Variants in SLC25A20 observed in about 807,000 individuals in gnomAD.
The protein encoded by SLC25A20 is solute carrier family 25 member 20, also known as mitochondrial carnitine/acylcarnitine carrier protein.
In SLC25A20, 29 loss-of-function variants were observed where a neutral mutation model predicts 39.7. That is an observed-to-expected ratio of 0.73 (90% CI 0.54 to 1.00). The LOEUF (loss-of-function observed/expected upper bound fraction) is 1.00. SLC25A20 is among the 50% of genes least tolerant of loss of function. The pLI is 0.00. For synonymous variants in SLC25A20, 103 were observed against 142.2 expected, an observed-to-expected ratio of 0.72 and a Z score of 1.96; for missense variants, 333 against 379.9, an observed-to-expected ratio of 0.88 and a Z score of 1.03.
intron 3 of SLC25A20, among the ~76,000 whole-genome samples, chr3:48,881,025 C>A (rs2083791858): frequency 6.6e-6 from 1 of 152,164 alleles, no homozygotes; most frequent in Non-Finnish European, 1.5e-5. Context: ...TGACCCCAAG[C>A]CTCCAACAAC....
chr3:48,882,196 C>T (rs1476173294), intron 3 of SLC25A20, among the ~76,000 whole-genome samples: 13 of 152,218 alleles, frequency 8.5e-5, no homozygotes, highest in Non-Finnish European at 1.9e-4. Flanking sequence ...CCTGAGAAGC[C>T]TCTGTTTTCA....
intron 7 of SLC25A20, 97 bp from the exon 8 acceptor site, chr3:48,858,728 T>C (rs1460202307): frequency 2.0e-6 from 3 of 1,482,236 alleles, no homozygotes; most frequent in Non-Finnish European, 2.8e-6. Context: ...AAGGACACCT[T>C]GCAGGTCATG....
intron 4 of SLC25A20, among the ~76,000 whole-genome samples, chr3:48,863,942 G>A (rs1313288724): frequency 1.3e-5 from 2 of 151,884 alleles, no homozygotes; most frequent in Non-Finnish European, 2.9e-5. Flanking sequence ...TTGAACCCAG[G>A]AGGTGGAGTT....
intron 4 of SLC25A20, 128 bp from the exon 5 acceptor site, chr3:48,862,787 T>A (rs567067837): frequency 2.8e-6 from 2 of 721,394 alleles, no homozygotes; most frequent in South Asian, 2.9e-5. Context: ...GTCAAATTGA[T>A]AAGTATCTGG....
intron 1 of SLC25A20, among the ~76,000 whole-genome samples, chr3:48,894,183 T>TTCTCTCTCTCTCTCTCTCTCTC (rs375593797): frequency 2.7e-5 from 3 of 110,276 alleles, no homozygotes; most frequent in Admixed American, 1.2e-4. Context: ...AAGAAGAAGA[T>TTCTCTCTCTCTCTCTCTCTCTC]TCTCTCTCTC....
intron 4 of SLC25A20, among the ~76,000 whole-genome samples, chr3:48,873,335 G>A (rs1203953116): frequency 6.6e-6 from 1 of 152,134 alleles, no homozygotes; most frequent in Non-Finnish European, 1.5e-5. Flanking sequence ...TGGCGGCTGG[G>A]CGCAGTGGCT....
chr3:48,862,626 C>T lies in SLC25A20; in HGVS notation c.451G>A (p.Gly151Ser). The T allele has an allele frequency of 6.2e-7, 1 of 1,613,918 alleles. No homozygotes were observed. Among genetic ancestry groups the T allele is most frequent in the Non-Finnish European group, 8.5e-7 (1 of 1,179,854 alleles). The change falls in exon 5 of 9, where the codon GGT (glycine) becomes AGT (serine). Residue 151 changes from glycine to serine, a missense_variant. Physicochemically the swap from Gly to Ser is moderately conservative, Grantham distance 56. Transcript: ENST00000319017. ...AGCTTCTTTGCACAGTCCAAGGTAC[C>T]AGTGTACTTGCTTTCTCCTGAAGAA... ...QASSGESKYT[G>S]TLDCAKKLYQ...
At chr3:48,890,538 C>A (rs575817549) in intron 2 of SLC25A20, among the ~76,000 whole-genome samples, 81 of 151,894 alleles carry the variant, frequency 5.3e-4, no homozygotes, top group African/African-American at 1.9e-3. Flanking sequence ...ATGCTGCCTT[C>A]CCTCTCTGCT....
At chr3:48,898,660 C>T in intron 1 of SLC25A20, 30 bp downstream of exon 1, 1 of 1,567,256 alleles carries the variant, frequency 6.4e-7, no homozygotes, top group Non-Finnish European at 8.7e-7. Context: ...CGGGCCTCCT[C>T]CCCAAAGCCT....
intron 5 of SLC25A20, 79 bp from the exon 6 acceptor site, chr3:48,859,706 C>T (rs2106637732): frequency 1.8e-6 from 2 of 1,136,508 alleles, no homozygotes; most frequent in East Asian, 2.3e-5. Flanking sequence ...GTAATCTCAG[C>T]AATTTAGGAG....
chr3:48,896,642 C>T (rs2083911606), intron 1 of SLC25A20, among the ~76,000 whole-genome samples: 1 of 151,958 alleles, frequency 6.6e-6, no homozygotes, highest in African/African-American at 2.4e-5. Context: ...TCCCAATTAG[C>T]TGGGATTACA....
At chr3:48,858,971 C>G (rs1262993770) in intron 7 of SLC25A20, 121 bp downstream of exon 7, 6 of 792,164 alleles carry the variant, frequency 7.6e-6, no homozygotes, top group Non-Finnish European at 1.1e-5. Flanking sequence ...ATTGGTCAGG[C>G]AGATGCTAGG....
At chr3:48,888,839 C>A (rs1289813398) in intron 2 of SLC25A20, among the ~76,000 whole-genome samples, 1 of 152,070 alleles carries the variant, frequency 6.6e-6, no homozygotes, top group Non-Finnish European at 1.5e-5. Context: ...GTAATCCCAG[C>A]ACTTCGGGAG....
intron 4 of SLC25A20, among the ~76,000 whole-genome samples, chr3:48,870,139 C>T (rs2083702897): frequency 6.6e-6 from 1 of 152,062 alleles, no homozygotes; most frequent in African/African-American, 2.4e-5. Flanking sequence ...GTGGCTCTCG[C>T]CTATAATCCC....
At chr3:48,866,027 G>A (rs1234288988) in intron 4 of SLC25A20, among the ~76,000 whole-genome samples, 2 of 152,058 alleles carry the variant, frequency 1.3e-5, no homozygotes, top group Non-Finnish European at 2.9e-5. Context: ...CCAGCTACTC[G>A]GGAGGCTGAG....
intron 4 of SLC25A20, among the ~76,000 whole-genome samples, chr3:48,863,235 C>A (rs2083639958): frequency 6.6e-6 from 1 of 152,112 alleles, no homozygotes. Flanking sequence ...CTGTCAAACA[C>A]AATAAAGCTA....
intron 8 of SLC25A20, 94 bp from the exon 9 acceptor site, chr3:48,857,866 G>GC: frequency 8.7e-7 from 1 of 1,149,946 alleles, no homozygotes; most frequent in Non-Finnish European, 1.3e-6. Context: ...GTCAGGACCA[G>GC]AGCCCCTCCC....
chr3:48,884,695 T>A (rs1390345123), intron 2 of SLC25A20, among the ~76,000 whole-genome samples: 3 of 152,134 alleles, frequency 2.0e-5, no homozygotes, highest in Non-Finnish European at 4.4e-5. Flanking sequence ...GGAAATATTT[T>A]GTGTGGAAAA....
chr3:48,896,251 C>A (rs2083909192), intron 1 of SLC25A20, among the ~76,000 whole-genome samples: 1 of 151,696 alleles, frequency 6.6e-6, no homozygotes, highest in South Asian at 2.1e-4. Flanking sequence ...CTCACTGCAG[C>A]CTCAAACTCC....
Sources: allele counts gnomAD v4.1 joint callset (sites outside exome capture counted in the v4.1 genomes callset), GRCh38; gene constraint gnomAD v4.1.1; transcripts MANE v1.5; gene names NCBI Gene and HGNC (gene_info 2026-07-23, HGNC 2026-07-21).